ZNF592: variants seen among roughly 807,000 people sequenced by gnomAD.
ZNF592 encodes the protein zinc finger protein 592.
Under a neutral mutation model 80.3 loss-of-function variants are expected in ZNF592, and 11 were observed. That is an observed-to-expected ratio of 0.14 (90% confidence interval 0.09 to 0.23). The LOEUF (loss-of-function observed/expected upper bound fraction) is 0.23, where lower values mean the gene tolerates loss of function less well. ZNF592 is among the 10% of genes least tolerant of loss of function. ZNF592 has a pLI of 1.00. For missense variants in ZNF592, 1,420 were observed against 1,633.9 expected, an observed-to-expected ratio of 0.87 and a Z score of 2.26; for synonymous variants, 646 against 640.3, an observed-to-expected ratio of 1.01 and a Z score of -0.13.
chr15:84,776,100 G>A (rs148980489), intron 2 of ZNF592, among the ~76,000 whole-genome samples: 9 of 152,324 alleles, frequency 5.9e-5, no homozygotes, highest in African/African-American at 2.2e-4. Flanking sequence ...ATCCTGCCTT[G>A]CCTCTTGACT....
intron 1 of ZNF592, among the ~76,000 whole-genome samples, chr15:84,758,964 G>A (rs774984670): frequency 6.6e-6 from 1 of 152,000 alleles, no homozygotes; most frequent in Non-Finnish European, 1.5e-5. Flanking sequence ...GAACCTTTTT[G>A]CAACAGCATT....
intron 4 of ZNF592, among the ~76,000 whole-genome samples, chr15:84,788,203 A>G (rs571831474): frequency 2.0e-5 from 3 of 152,186 alleles, no homozygotes; most frequent in Non-Finnish European, 4.4e-5. Flanking sequence ...GATTGTCTTC[A>G]CTTTTAATGA....
rs1484994079 is a variant in ZNF592 at position 84,798,291 on chromosome 15, A to AC, written c.2577-19dup. 5 of 1,613,802 alleles carry AC rather than the reference A, an allele frequency of 3.1e-6. No homozygotes were observed. The highest frequency in any genetic ancestry group is 4.2e-6 in the Non-Finnish European group (5 of 1,179,974). ...GGCTGCATGGTGCCTTGGCCACCTCACCCCCTAGGGCTTGTCTCATCAGGC... is the reference window on the plus strand; with the variant it reads ...GGCTGCATGGTGCCTTGGCCACCTCACCCCCCTAGGGCTTGTCTCATCAGGC... On this transcript the variant is annotated intron_variant, in intron 6 of 10. Coordinates refer to ENST00000560079, the MANE Select transcript of ZNF592 (RefSeq NM_014630.3). The surrounding 1 kb of genome is among the most constrained non-coding windows in gnomAD (Gnocchi z 4.5).
chr15:84,796,051 G>C lies in ZNF592; in HGVS notation c.2400-1818G>C, dbSNP rs112165253. The stretch of plus-strand genomic sequence containing the variant: ...AGCGCGGCCAACATGGTGAAACCCC[G>C]TCTCTACTAAAAATACAAAAGTAAG... On this transcript the variant is annotated intron_variant, in intron 5 of 10. Coordinates refer to ENST00000560079, the MANE Select transcript of ZNF592 (RefSeq NM_014630.3). Among the ~76,000 whole-genome samples, 1,397 of 150,974 alleles carry C rather than the reference G, an allele frequency of 9.3e-3. 24 individuals are homozygous for C. Among genetic ancestry groups the C allele is most frequent in the African/African-American group, 0.033 (1,340 of 40,976 alleles).
At chr15:84,775,729 C>A (rs1259216437) in intron 2 of ZNF592, among the ~76,000 whole-genome samples, 1 of 152,142 alleles carries the variant, frequency 6.6e-6, no homozygotes, top group African/African-American at 2.4e-5. Context: ...TGCGCCCGGC[C>A]GAATCATATT....
Position 84,777,450 on chromosome 15 carries a change from T to G in ZNF592, c.-149-733T>G, listed in dbSNP as rs1962287790. ...GAGATCACGCCACTGCATTCCAGAC[T>G]GGGTGACAGGGCAAGACTCCGTCTC... On this transcript the variant is annotated intron_variant, in intron 2 of 10. Coordinates refer to ENST00000560079, the MANE Select transcript of ZNF592 (RefSeq NM_014630.3). Among the ~76,000 whole-genome samples, 3 of 134,138 alleles carry G rather than the reference T, an allele frequency of 2.2e-5. No homozygotes were observed. The South Asian group carries it at 6.9e-4, about 31-fold the overall frequency. The allele number at this position is 134,138 out of a possible 152,430, so 88.0% of individuals were successfully genotyped here. A position where few individuals can be genotyped will look rare whatever the true frequency, so the allele number is the denominator to read the frequency against.
rs1211858750 is a variant in ZNF592, at chr15:84,798,469, G to T, written c.2731G>T (p.Val911Phe). ...FVQKPELMQH[V>F]KSTHGVPRNV... ...GCAGAAGCCGGAGTTGATGCAACAC[G>T]TCAAGGTGGGATGCCTTGCGGGAGG... Residue 911 changes from valine to phenylalanine, a missense_variant, in exon 7 of 11, where the codon GTC becomes TTC. Around this residue, in one of 7 missense-constraint regions of ZNF592, gnomAD observed 331 missense variants for 347.0 expected, o/e 0.95. Transcript: ENST00000560079. This position sits in a 1 kb window ranked among gnomAD's most constrained non-coding sequence, Gnocchi z 4.5. The T allele has an allele frequency of 7.4e-6, 12 of 1,613,944 alleles. No homozygotes were observed. Among genetic ancestry groups the T allele is most frequent in the Non-Finnish European group, 9.3e-6 (11 of 1,179,866 alleles).
chr15:84,805,771 T>C lies in ZNF592; in HGVS notation c.*3378T>C, dbSNP rs1250612632. 1.3e-5 allele frequency: 2 copies of C among 152,608 alleles called. No homozygotes were observed. Among genetic ancestry groups the C allele is most frequent in the Non-Finnish European group, 2.9e-5 (2 of 68,042 alleles). 9.5% of individuals were successfully genotyped at this position (152,608 alleles called of 1,614,324 possible). A position where few individuals can be genotyped will look rare whatever the true frequency, so the allele number is the denominator to read the frequency against. Reference sequence around the variant, plus strand: ...TTTTGTTTTGAAAAATTAATACATATACATGGTAAGACATTCCACAATACA... The same window carrying C: ...TTTTGTTTTGAAAAATTAATACATACACATGGTAAGACATTCCACAATACA... On this transcript the variant is annotated 3_prime_UTR_variant, in exon 11 of 11. Coordinates refer to ENST00000560079, the MANE Select transcript of ZNF592 (RefSeq NM_014630.3).
At chr15:84,754,936 T>C (rs1248353039) in intron 1 of ZNF592, among the ~76,000 whole-genome samples, 1 of 150,490 alleles carries the variant, frequency 6.6e-6, no homozygotes, top group Non-Finnish European at 1.5e-5. Flanking sequence ...TTTTGAGAGG[T>C]CTAGGATTAT....
Position 84,784,884 on chromosome 15 carries a change from A to G in ZNF592, c.2209A>G (p.Thr737Ala), listed in dbSNP as rs774350931. The stretch of plus-strand genomic sequence containing the variant: ...ACATTTCCAGAGGACAACAGAGGAG[A>G]CAGAGGGGCTGGTAAGCAGACCCTC... ...AAHFQRTTEETEGLTCQVCQM... is the reference protein window; with the variant it reads ...AAHFQRTTEEAEGLTCQVCQM... The change falls in exon 4 of 11, where the codon ACA (threonine) becomes GCA (alanine). Residue 737 changes from threonine to alanine, a missense_variant. Thr to Ala is a moderately conservative substitution (Grantham distance 58). Transcript: ENST00000560079. The surrounding 1 kb of genome is among the most constrained non-coding windows in gnomAD (Gnocchi z 5.8). 7 of 1,614,092 alleles carry G rather than the reference A, an allele frequency of 4.3e-6. No individual in the cohort carries two copies. The highest frequency in any genetic ancestry group is 2.5e-6 in the Non-Finnish European group (3 of 1,180,020).
Position 84,783,794 on chromosome 15 carries a change from C to T in ZNF592, c.1119C>T (p.Pro373=), listed in dbSNP as rs553610131. The T allele has an allele frequency of 1.1e-5, 17 of 1,614,228 alleles. No homozygotes were observed. The African/African-American group carries it at 1.9e-4, about 18-fold the overall frequency. Residue 373 remains proline (P), a synonymous_variant, in exon 4 of 11, where the codon CCC becomes CCT. Coordinates refer to ENST00000560079, the MANE Select transcript of ZNF592 (RefSeq NM_014630.3). This position sits in a 1 kb window ranked among gnomAD's most constrained non-coding sequence, Gnocchi z 5.0. ...CTGCCAGCTCCCCACCAGCAATTCC[C>T]AAAGTGAGAATCAAAACCATTAAGA... ...SVAASSPPAI[P]KVRIKTIKTS...
intron 1 of ZNF592, among the ~76,000 whole-genome samples, chr15:84,758,390 C>T (rs1899244739): frequency 6.6e-6 from 1 of 152,040 alleles, no homozygotes; most frequent in Non-Finnish European, 1.5e-5. Context: ...TTAGGTGATC[C>T]TCCCACCTCA....
At chr15:84,769,369 G>A (rs1899632033) in intron 2 of ZNF592, among the ~76,000 whole-genome samples, 1 of 152,058 alleles carries the variant, frequency 6.6e-6, no homozygotes, top group South Asian at 2.1e-4. Flanking sequence ...AAATAAAGCA[G>A]TGTAAAGGGA....
intron 1 of ZNF592, among the ~76,000 whole-genome samples, chr15:84,761,380 G>C (rs1213910274): frequency 6.6e-6 from 1 of 152,076 alleles, no homozygotes; most frequent in African/African-American, 2.4e-5. Context: ...GGCAAGGAAA[G>C]AGCAAGGACC....
chr15:84,772,856 A>G (rs761660676), intron 2 of ZNF592, among the ~76,000 whole-genome samples: 1 of 152,178 alleles, frequency 6.6e-6, no homozygotes, highest in Non-Finnish European at 1.5e-5. Context: ...TATATTAACT[A>G]GAGATCAAAT....
At chr15:84,777,279 C>A (rs1167088163) in intron 2 of ZNF592, among the ~76,000 whole-genome samples, 3 of 151,868 alleles carry the variant, frequency 2.0e-5, no homozygotes, top group Non-Finnish European at 4.4e-5. Flanking sequence ...GAGTTTGAGA[C>A]CTGCCTGGCC....
chr15:84,756,502 C>T (rs1899174434), intron 1 of ZNF592, among the ~76,000 whole-genome samples: 1 of 152,138 alleles, frequency 6.6e-6, no homozygotes, highest in Non-Finnish European at 1.5e-5. Flanking sequence ...CCTGATGACA[C>T]ATTTGAGGCA....
intron 1 of ZNF592, among the ~76,000 whole-genome samples, chr15:84,756,568 T>C (rs1899176677): frequency 2.0e-5 from 3 of 152,196 alleles, no homozygotes; most frequent in Admixed American, 2.0e-4. Context: ...GCAGTTCAGA[T>C]TTTTCTGGGC....
intron 4 of ZNF592, 33 bp from the exon 5 acceptor site, chr15:84,790,672 T>G: frequency 6.2e-7 from 1 of 1,613,364 alleles, no homozygotes; most frequent in South Asian, 1.1e-5. Flanking sequence ...CTATGGCCCC[T>G]GCATGATCTG....
Sources: allele counts gnomAD v4.1 joint callset (sites outside exome capture counted in the v4.1 genomes callset), GRCh38; gene constraint gnomAD v4.1.1; regional missense constraint gnomAD v4.1.1; non-coding constraint Gnocchi (gnomAD v3.1); transcripts MANE v1.5; gene names NCBI Gene and HGNC (gene_info 2026-07-23, HGNC 2026-07-21).